Variants in LRP1B observed in about 807,000 individuals in gnomAD.
LRP1B encodes the protein low-density lipoprotein receptor-related protein 1B.
LRP1B carries 217 observed loss-of-function variants against 556.6 expected under a neutral mutation model. That is an observed-to-expected ratio of 0.39 (90% CI 0.35 to 0.44). LRP1B has a LOEUF of 0.44. LRP1B is among the 20% of genes least tolerant of loss of function. The pLI is 1.00. For missense variants in LRP1B, 5,053 were observed against 5,620.8 expected (o/e 0.90, Z 3.23); for synonymous variants, 2,047 against 1,865.8 (o/e 1.10, Z -2.50).
rs561308857 is a variant in LRP1B, at chr2:140,526,090, T to C, written c.7877-97A>G. 138 of 1,401,762 alleles carry C rather than the reference T, an allele frequency of 9.8e-5. No individual in the cohort carries two copies. In the South Asian group the frequency reaches 1.0e-3, roughly 11 times the overall value. 86.8% of individuals were successfully genotyped at this position (1,401,762 alleles called of 1,614,324 possible). ...AGAGATGAGAAAAGTTAACTTCATT[T>C]GAGGAAATAGATACGTAATTATCCC... is the stretch of plus-strand genomic sequence containing the variant. On this transcript the variant is annotated intron_variant, in intron 48 of 90. Coordinates refer to ENST00000389484, the MANE Select transcript of LRP1B (RefSeq NM_018557.3).
intron 3 of LRP1B, among the ~76,000 whole-genome samples, chr2:141,377,072 T>G (rs1423300419): frequency 6.6e-6 from 1 of 152,190 alleles, no homozygotes; most frequent in Non-Finnish European, 1.5e-5. Context: ...CTATCTGTCT[T>G]TCTTTCAACA....
intron 7 of LRP1B, among the ~76,000 whole-genome samples, chr2:141,136,891 TAAAAG>T (rs1247131056): frequency 6.6e-6 from 1 of 151,886 alleles, no homozygotes; most frequent in African/African-American, 2.4e-5. Flanking sequence ...ACCTATGAGT[TAAAAG>T]AAAGTAGAAA....
intron 66 of LRP1B, among the ~76,000 whole-genome samples, chr2:140,388,005 T>G (rs1278002807): frequency 6.6e-6 from 1 of 151,734 alleles, no homozygotes; most frequent in East Asian, 1.9e-4. Flanking sequence ...GGCATGATCT[T>G]GGCTCACTGC....
intron 37 of LRP1B, among the ~76,000 whole-genome samples, chr2:140,712,724 C>T (rs998002298): frequency 1.3e-5 from 2 of 151,976 alleles, no homozygotes; most frequent in African/African-American, 2.4e-5. Flanking sequence ...CTTTTGTCTA[C>T]TCTTTATATT....
chr2:141,908,486 G>C (rs1699820367), intron 1 of LRP1B, among the ~76,000 whole-genome samples: 1 of 151,914 alleles, frequency 6.6e-6, no homozygotes, highest in Non-Finnish European at 1.5e-5. Context: ...AAAACCATAT[G>C]ATAAGATAAA....
At chr2:140,788,782 G>A (rs1690001737) in intron 32 of LRP1B, among the ~76,000 whole-genome samples, 1 of 152,142 alleles carries the variant, frequency 6.6e-6, no homozygotes, top group African/African-American at 2.4e-5. Context: ...ATATGTTGAA[G>A]CTCTATCCTC....
At chr2:140,671,855 T>A (rs1224037791) in intron 41 of LRP1B, among the ~76,000 whole-genome samples, 1 of 152,178 alleles carries the variant, frequency 6.6e-6, no homozygotes, top group African/African-American at 2.4e-5. Flanking sequence ...TCATTTGAAC[T>A]AATGCAGTTG....
At chr2:141,789,900 T>G (rs1432411329) in intron 2 of LRP1B, among the ~76,000 whole-genome samples, 1 of 152,022 alleles carries the variant, frequency 6.6e-6, no homozygotes, top group African/African-American at 2.4e-5. Flanking sequence ...GTCCTTCATT[T>G]TTCCCTTTTA....
chr2:141,885,403 G>A (rs1473224325), intron 1 of LRP1B, among the ~76,000 whole-genome samples: 1 of 152,096 alleles, frequency 6.6e-6, no homozygotes, highest in Non-Finnish European at 1.5e-5. Flanking sequence ...ATGATACAAA[G>A]AATGTAAAGA....
chr2:141,719,912 G>T (rs1314902878), intron 2 of LRP1B, among the ~76,000 whole-genome samples: 1 of 152,058 alleles, frequency 6.6e-6, no homozygotes, highest in Non-Finnish European at 1.5e-5. Context: ...CACTACCTAG[G>T]TGATGGGATC....
intron 6 of LRP1B, among the ~76,000 whole-genome samples, chr2:141,216,126 C>T (rs1195811186): frequency 6.6e-6 from 1 of 152,192 alleles, no homozygotes; most frequent in Non-Finnish European, 1.5e-5. Context: ...GACCAAGGCT[C>T]TGCTGCTCTG....
intron 7 of LRP1B, among the ~76,000 whole-genome samples, chr2:141,159,241 A>G (rs1702141159): frequency 1.3e-5 from 2 of 152,174 alleles, no homozygotes; most frequent in South Asian, 4.1e-4. Context: ...TTCTTCATTT[A>G]CTTTTTGTAA....
chr2:140,250,679 A>T (rs1380839109), intron 86 of LRP1B, among the ~76,000 whole-genome samples: 1 of 151,770 alleles, frequency 6.6e-6, no homozygotes, highest in Admixed American at 6.6e-5. Flanking sequence ...GAAAAATGAG[A>T]AATGTTAAAA....
At chr2:140,592,221 A>C (rs2105169622) in intron 43 of LRP1B, among the ~76,000 whole-genome samples, 1 of 152,306 alleles carries the variant, frequency 6.6e-6, no homozygotes, top group African/African-American at 2.4e-5. Context: ...AAGGATATTA[A>C]GTTTTTAAAT....
chr2:141,915,963 G>A (rs560923122), intron 1 of LRP1B, among the ~76,000 whole-genome samples: 1 of 152,304 alleles, frequency 6.6e-6, no homozygotes, highest in South Asian at 2.1e-4. Context: ...AAAAGAGAAT[G>A]CGTATACATT....
At chr2:140,467,727 G>A (rs1477732424) in intron 60 of LRP1B, among the ~76,000 whole-genome samples, 1 of 151,774 alleles carries the variant, frequency 6.6e-6, no homozygotes, top group African/African-American at 2.4e-5. Context: ...ATTGAATTGT[G>A]TTTGCATCCT....
intron 60 of LRP1B, among the ~76,000 whole-genome samples, chr2:140,468,839 A>G (rs1050809227): frequency 6.6e-6 from 1 of 152,122 alleles, no homozygotes; most frequent in Non-Finnish European, 1.5e-5. Flanking sequence ...GTCAGAATCC[A>G]TTACCTCTTT....
At chr2:140,366,454 A>G (rs1291058106) in intron 71 of LRP1B, among the ~76,000 whole-genome samples, 1 of 151,716 alleles carries the variant, frequency 6.6e-6, no homozygotes, top group Non-Finnish European at 1.5e-5. Flanking sequence ...GTGGATAAAT[A>G]TGTCTGAAAT....
intron 66 of LRP1B, among the ~76,000 whole-genome samples, chr2:140,424,347 C>A (rs961805889): frequency 1.3e-5 from 2 of 152,086 alleles, no homozygotes; most frequent in Admixed American, 1.3e-4. Context: ...CATGATTATT[C>A]ATTCCTTTAA....
Sources: gnomAD v4.1 joint callset for allele counts (sites outside exome capture counted in the v4.1 genomes callset) on GRCh38, gnomAD v4.1.1 for gene constraint, MANE v1.5 for transcripts, NCBI Gene and HGNC (gene_info 2026-07-23, HGNC 2026-07-21) for gene names.